The following MLLT10 variants were observed in gnomAD, a reference collection of about 807,000 sequenced individuals.
MLLT10 encodes protein AF-10.
Under a neutral mutation model 129.1 loss-of-function variants are expected in MLLT10, and 30 were observed. That is an observed-to-expected ratio of 0.23 (90% CI 0.17 to 0.32). The LOEUF (loss-of-function observed/expected upper bound fraction) is 0.32, where lower values mean the gene tolerates loss of function less well. Ranked by LOEUF, MLLT10 falls within the 10% of genes least tolerant of loss-of-function variation. The pLI, the probability that MLLT10 is intolerant of heterozygous loss-of-function variation, is 1.00. For synonymous variants in MLLT10, 490 were observed against 446.4 expected (o/e 1.10, Z -1.23); for missense variants, 1,119 against 1,268.3 (o/e 0.88, Z 1.79).
chr10:21,732,392 C>T (rs1178643179), intron 17 of MLLT10, among the ~76,000 whole-genome samples: 4 of 152,174 alleles, frequency 2.6e-5, no homozygotes, highest in Admixed American at 1.3e-4. Context: ...GAGCAACATG[C>T]TGAGCAGCTG....
chr10:21,621,069 C>T (rs1220932911), intron 8 of MLLT10, among the ~76,000 whole-genome samples: 4 of 151,548 alleles, frequency 2.6e-5, no homozygotes, highest in Non-Finnish European at 4.4e-5. Context: ...ACTGCAAGCT[C>T]CGCCTCCGGG....
intron 3 of MLLT10, among the ~76,000 whole-genome samples, chr10:21,543,511 C>A (rs2035565878): frequency 6.6e-6 from 1 of 151,724 alleles, no homozygotes; most frequent in Admixed American, 6.6e-5. Context: ...GAGTTTAATT[C>A]TTGTTGCCCA....
intron 3 of MLLT10, among the ~76,000 whole-genome samples, chr10:21,554,921 A>C (rs376821016): frequency 4.0e-5 from 6 of 151,500 alleles, no homozygotes; most frequent in East Asian, 3.9e-4. Flanking sequence ...ACCCGGGTTC[A>C]AGCAATTCTC....
intron 9 of MLLT10, among the ~76,000 whole-genome samples, chr10:21,668,014 T>C (rs1164565084): frequency 6.6e-6 from 1 of 152,142 alleles, no homozygotes; most frequent in African/African-American, 2.4e-5. Flanking sequence ...TATGCAGTAC[T>C]TCAGAGACTC....
At chr10:21,732,260 T>C (rs987825222) in intron 17 of MLLT10, among the ~76,000 whole-genome samples, 2 of 152,158 alleles carry the variant, frequency 1.3e-5, no homozygotes, top group Admixed American at 1.3e-4. Flanking sequence ...GTGGAAGGAA[T>C]TGAAGTACTT....
chr10:21,547,272 A>G (rs1588846737), intron 3 of MLLT10, among the ~76,000 whole-genome samples: 1 of 152,114 alleles, frequency 6.6e-6, no homozygotes, highest in East Asian at 1.9e-4. Flanking sequence ...ATGCATACTT[A>G]ATGTTTTTCT....
chr10:21,537,480 T>C (rs1033396178), intron 2 of MLLT10, among the ~76,000 whole-genome samples: 6 of 152,028 alleles, frequency 3.9e-5, no homozygotes, highest in African/African-American at 1.2e-4. Context: ...TTTTTCTTTT[T>C]TGAGATGGAG....
Position 21,733,830 on chromosome 10 carries a change from T to G in MLLT10, c.2559T>G (p.Ala853=), listed in dbSNP as rs779992076. Residue 853 remains alanine, a synonymous_variant, in exon 20 of 23, where the codon GCT becomes GCG. Coordinates refer to ENST00000307729, the MANE Select transcript of MLLT10 (RefSeq NM_001195626.3). ...SSSALSTPPP[A]GQSPAQQGSG... ...CAGCTCTTTCTACCCCACCTCCTGCTGGGCAGAGTCCGGCTCAACAAGGCT... is the reference window on the plus strand; with the variant it reads ...CAGCTCTTTCTACCCCACCTCCTGCGGGGCAGAGTCCGGCTCAACAAGGCT... The G allele has an allele frequency of 6.2e-7, 1 of 1,614,180 alleles. No individual in the cohort carries two copies. The highest frequency in any genetic ancestry group is 2.2e-5 in the East Asian group (1 of 44,876).
chr10:21,661,544 A>G (rs932485261), intron 9 of MLLT10: 1 of 152,106 alleles, frequency 6.6e-6, no homozygotes, highest in Non-Finnish European at 1.5e-5. Context: ...CTTTGCTCTG[A>G]GTCTGTTCTG....
At chr10:21,589,672 A>T (rs1463944986) in intron 4 of MLLT10, among the ~76,000 whole-genome samples, 1 of 152,084 alleles carries the variant, frequency 6.6e-6, no homozygotes, top group Non-Finnish European at 1.5e-5. Flanking sequence ...TATTTTTGTC[A>T]TGTACTTTCA....
chr10:21,578,515 T>C (rs927137737), intron 3 of MLLT10, among the ~76,000 whole-genome samples: 2 of 152,224 alleles, frequency 1.3e-5, no homozygotes, highest in Non-Finnish European at 2.9e-5. Flanking sequence ...TTTAGTGTTA[T>C]GTCTAAAAAC....
At chr10:21,729,330 T>TTA (rs749594235) in intron 16 of MLLT10, among the ~76,000 whole-genome samples, 19 of 152,312 alleles carry the variant, frequency 1.2e-4, no homozygotes, top group South Asian at 2.1e-4. Flanking sequence ...TTGCTTAATA[T>TTA]AGTTTTTCCT....
chr10:21,735,354 T>G, intron 21 of MLLT10, 119 bp downstream of exon 21: 1 of 849,900 alleles, frequency 1.2e-6, no homozygotes, highest in South Asian at 1.7e-5. Context: ...ATCAAAAAAG[T>G]TTTTCTTGCC....
intron 17 of MLLT10, among the ~76,000 whole-genome samples, chr10:21,731,459 G>T (rs1024675498): frequency 6.6e-6 from 1 of 152,006 alleles, no homozygotes; most frequent in Non-Finnish European, 1.5e-5. Context: ...GGTACTTTGT[G>T]TCTCCACTGT....
At position 21,611,522 on chromosome 10, in the gene MLLT10, T is replaced by G. The variant is rs558061907; in HGVS notation, c.406-826T>G. ...TCTTTTTCAACATGTATCACCTGAT[T>G]ATATGTAGTTAGACATAACTTTTTG... On this transcript the variant is annotated intron_variant, in intron 5 of 22. Coordinates refer to ENST00000307729, the MANE Select transcript of MLLT10 (RefSeq NM_001195626.3). Among the ~76,000 whole-genome samples the G allele has an allele frequency of 2.0e-5, 3 of 152,320 alleles. No homozygotes were observed. The East Asian group carries it at 5.8e-4, about 29-fold the overall frequency.
chr10:21,562,835 TTTTGAGACAGTTTCAC>T, intron 3 of MLLT10, among the ~76,000 whole-genome samples: 1 of 145,068 alleles, frequency 6.9e-6, no homozygotes, highest in African/African-American at 2.6e-5. Flanking sequence ...TTTTTTTTTT[TTTTGAGACAGTTTCAC>T]TCTTGTTGCC....
At chr10:21,666,185 C>T (rs777050261) in intron 9 of MLLT10, among the ~76,000 whole-genome samples, 10 of 152,124 alleles carry the variant, frequency 6.6e-5, no homozygotes, top group Non-Finnish European at 1.3e-4. Context: ...GGTATAGCGT[C>T]GTTAGCCTAT....
intron 13 of MLLT10, among the ~76,000 whole-genome samples, chr10:21,686,601 C>G (rs970023605): frequency 3.9e-5 from 6 of 152,178 alleles, no homozygotes; most frequent in Admixed American, 1.3e-4. Flanking sequence ...CCAAAAGAAC[C>G]GCCTTCATTA....
chr10:21,556,750 C>G (rs200529349), intron 3 of MLLT10: 2 of 1,609,806 alleles, frequency 1.2e-6, no homozygotes, highest in Non-Finnish European at 1.7e-6. Context: ...TGGTGTCTAA[C>G]GTTCCTCCAG....
Sources: allele counts gnomAD v4.1 joint callset (sites outside exome capture counted in the v4.1 genomes callset), GRCh38; gene constraint gnomAD v4.1.1; transcripts MANE v1.5; gene names NCBI Gene and HGNC (gene_info 2026-07-23, HGNC 2026-07-21).